PRKACB: variants seen among roughly 807,000 people sequenced by gnomAD.
The protein encoded by PRKACB is cAMP-dependent protein kinase catalytic subunit beta.
Under a neutral mutation model 51.4 loss-of-function variants are expected in PRKACB, and 16 were observed. The ratio of observed to expected loss-of-function variants is 0.31; its 90% CI spans 0.21 to 0.47. The LOEUF (loss-of-function observed/expected upper bound fraction) is 0.47. Among genes scored for constraint, PRKACB ranks in the 20% least tolerant of loss-of-function variants. The pLI, the probability that PRKACB is intolerant of heterozygous loss-of-function variation, is 1.00. For missense variants in PRKACB, 309 were observed against 464.5 expected, an observed-to-expected ratio of 0.67 and a Z score of 3.08; for synonymous variants, 147 against 154.4, an observed-to-expected ratio of 0.95 and a Z score of 0.35.
At chr1:84,165,591 GA>G (rs1452000861) in intron 1 of PRKACB, among the ~76,000 whole-genome samples, 1 of 151,570 alleles carries the variant, frequency 6.6e-6, no homozygotes, top group African/African-American at 2.4e-5. Flanking sequence ...GTTTTTGGGG[GA>G]AATAATTTTT....
At chr1:84,101,102 C>T (rs576720415) in intron 1 of PRKACB, among the ~76,000 whole-genome samples, 3 of 152,206 alleles carry the variant, frequency 2.0e-5, no homozygotes, top group South Asian at 2.1e-4. Context: ...TAGGATATAT[C>T]GGAAGAGATA....
chr1:84,148,513 A>G (rs1654420747), intron 1 of PRKACB, among the ~76,000 whole-genome samples: 1 of 152,134 alleles, frequency 6.6e-6, no homozygotes, highest in Non-Finnish European at 1.5e-5. Flanking sequence ...TATTACTAGC[A>G]TAATTTTCAA....
chr1:84,224,046 T>C (rs1674177473), intron 9 of PRKACB, among the ~76,000 whole-genome samples: 1 of 152,208 alleles, frequency 6.6e-6, no homozygotes, highest in Non-Finnish European at 1.5e-5. Context: ...TTATTCTGGG[T>C]GCATGCAGTA....
intron 1 of PRKACB, among the ~76,000 whole-genome samples, chr1:84,175,375 A>T (rs1236017719): frequency 1.3e-5 from 2 of 151,804 alleles, no homozygotes; most frequent in Admixed American, 1.3e-4. Flanking sequence ...TAAACTCTTA[A>T]TACAAAATAT....
chr1:84,095,600 C>T (rs1361135771), intron 1 of PRKACB, among the ~76,000 whole-genome samples: 1 of 151,700 alleles, frequency 6.6e-6, no homozygotes, highest in Non-Finnish European at 1.5e-5. Context: ...AGCAGTTTCA[C>T]AATATGCCTA....
chr1:84,152,797 A>G (rs1655000077), intron 1 of PRKACB, among the ~76,000 whole-genome samples: 1 of 152,140 alleles, frequency 6.6e-6, no homozygotes, highest in South Asian at 2.1e-4. Flanking sequence ...CTCTATATCA[A>G]CAATAAGGCT....
chr1:84,087,652 A>C (rs1303290058), intron 1 of PRKACB, among the ~76,000 whole-genome samples: 1 of 152,098 alleles, frequency 6.6e-6, no homozygotes, highest in African/African-American at 2.4e-5. Flanking sequence ...CGTAGCTGGG[A>C]CTGCAGGTGT....
chr1:84,100,661 T>G lies in PRKACB; in HGVS notation c.46+22290T>G, dbSNP rs145140678. Among the ~76,000 whole-genome samples the G allele has an allele frequency of 3.3e-3, 500 of 152,248 alleles. 2 individuals carry two copies. The highest frequency in any genetic ancestry group is 0.011 in the African/African-American group (467 of 41,530). On this transcript the variant is annotated intron_variant, in intron 1 of 8. Coordinates refer to the PRKACB transcript ENST00000370688. ...GTGAGGAAAATTTTCTTTTAAAAAT[T>G]ATGTACTTAAAACTCATCAAATCTG...
chr1:84,129,149 C>A (rs1651922329), intron 1 of PRKACB, among the ~76,000 whole-genome samples: 1 of 152,062 alleles, frequency 6.6e-6, no homozygotes, highest in Non-Finnish European at 1.5e-5. Context: ...ATTTCCATAT[C>A]TCTTTTTATG....
At chr1:84,185,951 AG>A (rs550736173) in intron 5 of PRKACB, among the ~76,000 whole-genome samples, 246 of 152,310 alleles carry the variant, frequency 1.6e-3, no homozygotes, top group Non-Finnish European at 2.7e-3. Context: ...TACACAGACT[AG>A]GTGGTCTTCA....
intron 1 of PRKACB, among the ~76,000 whole-genome samples, chr1:84,105,009 C>A (rs1320773196): frequency 6.6e-6 from 1 of 152,104 alleles, no homozygotes; most frequent in Non-Finnish European, 1.5e-5. Flanking sequence ...TCAAGTGGGA[C>A]TCTCCTTGGA....
chr1:84,205,183 C>A lies in PRKACB; in HGVS notation c.906+2378C>A, dbSNP rs565077390. On this transcript the variant is annotated intron_variant, in intron 8 of 9. Coordinates refer to ENST00000370685, the MANE Select transcript of PRKACB (RefSeq NM_182948.4). ...TTATCCCCATCTCTTACTCCCTTTA[C>A]TCATCTAAAGTAGAAGTCATGAAAG... 6 of 983,940 alleles carry A rather than the reference C, an allele frequency of 6.1e-6. No individual in the cohort carries two copies. In the South Asian group the frequency reaches 2.8e-4, roughly 46 times the overall value. The allele number at this position is 983,940 out of a possible 1,614,324, so 61.0% of individuals were successfully genotyped here.
intron 9 of PRKACB, among the ~76,000 whole-genome samples, chr1:84,228,964 G>A (rs1483116767): frequency 6.6e-6 from 1 of 151,054 alleles, no homozygotes; most frequent in African/African-American, 2.4e-5. Context: ...ACGTTTTAGG[G>A]TACATGTGCA....
intron 1 of PRKACB, among the ~76,000 whole-genome samples, chr1:84,112,313 AC>A (rs201714913): frequency 0.022 from 3,295 of 150,244 alleles, 116 homozygotes; most frequent in African/African-American, 0.076. Context: ...GCTCACTGCA[AC>A]CTCCACTTCC....
At chr1:84,215,492 CTT>C (rs1455958821) in intron 9 of PRKACB, among the ~76,000 whole-genome samples, 1 of 152,132 alleles carries the variant, frequency 6.6e-6, no homozygotes, top group Non-Finnish European at 1.5e-5. Flanking sequence ...TTGTTTGACT[CTT>C]TGCTCGCTAA....
intron 1 of PRKACB, among the ~76,000 whole-genome samples, chr1:84,146,983 A>C (rs1480341312): frequency 1.3e-5 from 2 of 152,182 alleles, no homozygotes; most frequent in Middle Eastern, 3.4e-3. Flanking sequence ...TTTTTGTTCC[A>C]ACTCAGAATG....
chr1:84,139,418 G>A (rs546108173), upstream of PRKACB, among the ~76,000 whole-genome samples: 1 of 152,224 alleles, frequency 6.6e-6, no homozygotes, highest in East Asian at 1.9e-4. Flanking sequence ...AAGTAATGGT[G>A]AAAACCACAA....
intron 1 of PRKACB, among the ~76,000 whole-genome samples, chr1:84,168,281 C>T (rs1206554122): frequency 6.6e-6 from 1 of 151,432 alleles, no homozygotes; most frequent in East Asian, 1.9e-4. Flanking sequence ...TTACTTTTTT[C>T]CTTGTATTTG....
chr1:84,173,825 A>G (rs533816114), intron 1 of PRKACB, among the ~76,000 whole-genome samples: 90 of 151,860 alleles, frequency 5.9e-4, no homozygotes, highest in Admixed American at 2.2e-3. Flanking sequence ...TTAAACTGTT[A>G]TTACAAAAAT....
Sources: gnomAD v4.1 joint callset for allele counts (sites outside exome capture counted in the v4.1 genomes callset) on GRCh38, gnomAD v4.1.1 for gene constraint, MANE v1.5 for transcripts, NCBI Gene and HGNC (gene_info 2026-07-23, HGNC 2026-07-21) for gene names.